Variants in IPO5 observed in about 807,000 individuals in gnomAD.
The protein encoded by IPO5 is importin 5.
Under a neutral mutation model 143.3 loss-of-function variants are expected in IPO5, and 18 were observed. The ratio of observed to expected loss-of-function variants is 0.13; its 90% CI spans 0.09 to 0.19. IPO5 has a LOEUF of 0.19. Ranked by LOEUF, IPO5 falls within the 10% of genes least tolerant of loss-of-function variation. The pLI is 1.00. For missense variants in IPO5, 1,013 were observed against 1,336.9 expected (o/e 0.76, Z 3.78); for synonymous variants, 477 against 465.7 (o/e 1.02, Z -0.31).
intron 5 of IPO5, among the ~76,000 whole-genome samples, chr13:97,982,815 G>A (rs112104216): frequency 1.5e-4 from 23 of 152,346 alleles, no homozygotes; most frequent in African/African-American, 4.8e-4. Flanking sequence ...GTCCAGGGTA[G>A]ATGAAGATTA....
At position 98,022,896 on chromosome 13, in the gene IPO5, T is replaced by G. The variant is rs1890579984; in HGVS notation, c.*1074T>G. 1 of 152,690 alleles carries G rather than the reference T, an allele frequency of 6.5e-6. No individual in the cohort carries two copies. Among genetic ancestry groups the G allele is most frequent in the South Asian group, 2.1e-4 (1 of 4,836 alleles). 9.5% of individuals were successfully genotyped at this position (152,690 alleles called of 1,614,324 possible). On this transcript the variant is annotated 3_prime_UTR_variant, in exon 29 of 29. Coordinates refer to ENST00000651721, the MANE Select transcript of IPO5 (RefSeq NM_002271.6). ...TTCAGTAAAATGTGTGAATGTTTCT[T>G]TATGTATTAACCTCATAGCAGTAAA...
At chr13:98,021,191 C>T in intron 28 of IPO5, 58 bp downstream of exon 28, 1 of 1,450,828 alleles carries the variant, frequency 6.9e-7, no homozygotes, top group Middle Eastern at 1.8e-4. Flanking sequence ...TCTTTGTAGT[C>T]CTCTATGAGA....
Position 97,992,874 on chromosome 13 carries a change from C to G in IPO5, c.670-18C>G. The stretch of plus-strand genomic sequence containing the variant: ...AAAGTGAATCTTCAGCACCGACTTT[C>G]TGTTTCATCTTTTCTAGGCGGTAAA... On this transcript the variant is annotated intron_variant, in intron 9 of 28. Coordinates refer to ENST00000651721, the MANE Select transcript of IPO5 (RefSeq NM_002271.6). 2 of 1,596,020 alleles carry G rather than the reference C, an allele frequency of 1.3e-6. No homozygotes were observed. The highest frequency in any genetic ancestry group is 1.1e-5 in the South Asian group (1 of 88,662).
intron 2 of IPO5, among the ~76,000 whole-genome samples, chr13:97,958,686 AAG>A (rs1293603963): frequency 6.6e-6 from 1 of 151,868 alleles, no homozygotes; most frequent in African/African-American, 2.4e-5. Context: ...AAAAAAAAGA[AAG>A]AAAGAGAAAA....
chr13:97,996,518 A>G (rs1888302811), intron 11 of IPO5, among the ~76,000 whole-genome samples: 1 of 152,164 alleles, frequency 6.6e-6, no homozygotes, highest in Non-Finnish European at 1.5e-5. Context: ...GGCACTTCAC[A>G]CATTTTTGTG....
intron 17 of IPO5, chr13:98,007,696 CAA>C (rs1238633794): frequency 1.7e-5 from 3 of 172,314 alleles, no homozygotes; most frequent in South Asian, 3.2e-4. Flanking sequence ...ACCAGAACTG[CAA>C]AGAGTTAAGT....
intron 26 of IPO5, among the ~76,000 whole-genome samples, chr13:98,019,048 C>T (rs775783744): frequency 5.9e-5 from 9 of 152,028 alleles, no homozygotes; most frequent in East Asian, 1.9e-4. Context: ...CTCCGCCTCC[C>T]GGGTTCGAGC....
At chr13:97,966,992 C>T (rs9556853) in intron 2 of IPO5, among the ~76,000 whole-genome samples, 6,875 of 152,016 alleles carry the variant, frequency 0.045, 426 homozygotes, top group East Asian at 0.32. Flanking sequence ...GCTAAGATCA[C>T]GCCACTGCAC....
At chr13:97,969,372 C>T (rs1885636686) in intron 2 of IPO5, among the ~76,000 whole-genome samples, 1 of 151,070 alleles carries the variant, frequency 6.6e-6, no homozygotes, top group African/African-American at 2.4e-5. Context: ...TTAGTAGAGA[C>T]GGGGTTTTAC....
intron 16 of IPO5, among the ~76,000 whole-genome samples, chr13:98,003,461 C>T (rs779369397): frequency 3.9e-5 from 6 of 152,254 alleles, no homozygotes; most frequent in Middle Eastern, 3.4e-3. Flanking sequence ...ATACTGTCAT[C>T]GTCCAGGGAG....
chr13:97,989,267 A>G, intron 7 of IPO5, 103 bp downstream of exon 7: 2 of 588,476 alleles, frequency 3.4e-6, no homozygotes, highest in Non-Finnish European at 5.7e-6. Context: ...ACTTAAAATG[A>G]TAATAATGCC....
chr13:98,016,267 A>G (rs1327856899), intron 24 of IPO5, among the ~76,000 whole-genome samples: 1 of 152,104 alleles, frequency 6.6e-6, no homozygotes, highest in Non-Finnish European at 1.5e-5. Context: ...GGCCAGTGCT[A>G]CCGTGTAGGT....
chr13:97,983,441 A>G (rs1012379053), intron 5 of IPO5, among the ~76,000 whole-genome samples: 2 of 151,818 alleles, frequency 1.3e-5, no homozygotes, highest in African/African-American at 4.8e-5. Context: ...ATTTGTTTTA[A>G]TTTTAAGAAT....
At chr13:97,958,646 G>T (rs544862203) in intron 2 of IPO5, among the ~76,000 whole-genome samples, 1 of 150,632 alleles carries the variant, frequency 6.6e-6, no homozygotes, top group Admixed American at 6.6e-5. Flanking sequence ...CCTCTGTCCA[G>T]CTCATTTCCA....
chr13:98,018,592 A>G lies in IPO5; in HGVS notation c.2724A>G (p.Arg908=), dbSNP rs1413488294. The G allele has an allele frequency of 1.2e-6, 2 of 1,614,032 alleles. No individual in the cohort carries two copies. The highest frequency in any genetic ancestry group is 1.7e-6 in the Non-Finnish European group (2 of 1,179,998). The part of the protein sequence containing the change: ...ASFKYAEYFL[R]PMLQYVCDNS... ...TTAAATACGCAGAATATTTCTTAAG[A>G]CCAATGCTCCAATATGTATGTGACA... is the stretch of plus-strand genomic sequence containing the variant. Residue 908 remains arginine (R), a synonymous_variant, in exon 26 of 29, where the codon AGA becomes AGG. Transcript: ENST00000651721.
At chr13:97,986,953 TTGA>T (rs1213653810) in intron 6 of IPO5, 4 of 152,548 alleles carry the variant, frequency 2.6e-5, no homozygotes, top group African/African-American at 9.7e-5. Context: ...TTAGTGTTGT[TTGA>T]TGATGAGCCT....
intron 2 of IPO5, among the ~76,000 whole-genome samples, chr13:97,960,864 T>G (rs1884820243): frequency 6.6e-6 from 1 of 152,090 alleles, no homozygotes; most frequent in African/African-American, 2.4e-5. Context: ...CAGCCTAAAG[T>G]TCAACCTTCT....
chr13:97,958,342 C>T (rs1884602977), intron 2 of IPO5, among the ~76,000 whole-genome samples: 1 of 152,146 alleles, frequency 6.6e-6, no homozygotes. Flanking sequence ...TCTCTCCAGA[C>T]CTTACCCCAA....
intron 16 of IPO5, among the ~76,000 whole-genome samples, chr13:98,004,771 T>C (rs1287673213): frequency 1.3e-5 from 2 of 152,180 alleles, no homozygotes; most frequent in Non-Finnish European, 2.9e-5. Flanking sequence ...CATAGTTGAA[T>C]GTGTAACACA....
Sources: gnomAD v4.1 joint callset for allele counts (sites outside exome capture counted in the v4.1 genomes callset) on GRCh38, gnomAD v4.1.1 for gene constraint, MANE v1.5 for transcripts, NCBI Gene and HGNC (gene_info 2026-07-23, HGNC 2026-07-21) for gene names.